Variants in RBFOX1 observed in about 807,000 individuals in gnomAD.
RBFOX1 encodes RNA binding fox-1 homolog 1, also known as RNA binding protein fox-1 homolog 1.
A neutral mutation model predicts 57.7 loss-of-function variants in RBFOX1; 8 were observed. The ratio of observed to expected loss-of-function variants is 0.14; its 90% CI spans 0.08 to 0.25. The LOEUF is 0.25. Among genes scored for constraint, RBFOX1 ranks in the 10% least tolerant of loss-of-function variants. RBFOX1 has a pLI of 1.00. For missense variants in RBFOX1, 611 were observed against 548.5 expected (o/e 1.11, Z -1.14); for synonymous variants, 326 against 222.4 (o/e 1.47, Z -4.15).
At chr16:7,530,312 C>T (rs2079722986) in intron 5 of RBFOX1, among the ~76,000 whole-genome samples, 1 of 152,092 alleles carries the variant, frequency 6.6e-6, no homozygotes, top group Admixed American at 6.6e-5. Context: ...GATTCTACAG[C>T]CATTTTTAAA....
intron 3 of RBFOX1, among the ~76,000 whole-genome samples, chr16:6,732,423 C>T (rs1476497534): frequency 1.3e-5 from 2 of 152,224 alleles, no homozygotes; most frequent in East Asian, 3.8e-4. Context: ...CAAGCACCTG[C>T]ACTGCACCTG....
At chr16:7,247,905 G>C (rs1236496177) in intron 4 of RBFOX1, among the ~76,000 whole-genome samples, 2 of 152,300 alleles carry the variant, frequency 1.3e-5, no homozygotes, top group East Asian at 1.9e-4. Context: ...GAGGGTGGGA[G>C]TAGGGAGAGG....
At chr16:5,486,459 G>A (rs1360920250) in intron 2 of RBFOX1, among the ~76,000 whole-genome samples, 1 of 152,228 alleles carries the variant, frequency 6.6e-6, no homozygotes, top group African/African-American at 2.4e-5. Flanking sequence ...AGAGTGATCT[G>A]TTTTGAGTGT....
At chr16:7,111,850 C>T (rs1033819964) in intron 4 of RBFOX1, among the ~76,000 whole-genome samples, 1 of 152,024 alleles carries the variant, frequency 6.6e-6, no homozygotes, top group African/African-American at 2.4e-5. Flanking sequence ...GGGCTAACAT[C>T]CACTTGTATA....
At chr16:5,539,613 A>C (rs989819744) in intron 2 of RBFOX1, among the ~76,000 whole-genome samples, 3 of 151,876 alleles carry the variant, frequency 2.0e-5, no homozygotes, top group Non-Finnish European at 4.4e-5. Flanking sequence ...AAAAAATCCC[A>C]AAAAACAAAA....
chr16:6,932,192 C>G (rs2076671946), intron 3 of RBFOX1, among the ~76,000 whole-genome samples: 1 of 152,184 alleles, frequency 6.6e-6, no homozygotes, highest in Admixed American at 6.5e-5. Flanking sequence ...CAACCTCCAC[C>G]TCCTGTGCTT....
intron 2 of RBFOX1, among the ~76,000 whole-genome samples, chr16:6,399,557 A>T (rs1339226062): frequency 6.6e-6 from 1 of 151,960 alleles, no homozygotes; most frequent in African/African-American, 2.4e-5. Context: ...TCAGCATTCA[A>T]CAAGTCTCTA....
chr16:7,536,593 CA>C (rs1237911230), intron 5 of RBFOX1, among the ~76,000 whole-genome samples: 1 of 151,870 alleles, frequency 6.6e-6, no homozygotes, highest in East Asian at 1.9e-4. Context: ...GACTTCGTCT[CA>C]AAAAAATAAT....
At position 5,449,457 on chromosome 16, in the gene RBFOX1, A is replaced by G. The variant is rs185115502; in HGVS notation, c.220-17759A>G. Among the ~76,000 whole-genome samples the G allele has an allele frequency of 5.3e-5, 8 of 152,266 alleles. No homozygotes were observed. In the East Asian group the frequency reaches 1.5e-3, roughly 29 times the overall value. The stretch of plus-strand genomic sequence containing the variant: ...ATGATTCTTTGATTGCCATTGCCTC[A>G]TATCAGACCCTAAACACTACAAGGT... On this transcript the variant is annotated intron_variant, in intron 1 of 2. Transcript: ENST00000585867.
intron 3 of RBFOX1, among the ~76,000 whole-genome samples, chr16:7,001,150 G>A (rs572716143): frequency 1.3e-4 from 20 of 152,114 alleles, no homozygotes; most frequent in African/African-American, 4.3e-4. Flanking sequence ...TTTCAAATCC[G>A]TTTGAGTTAG....
chr16:6,930,078 T>G (rs1475226426), intron 3 of RBFOX1, among the ~76,000 whole-genome samples: 1 of 152,194 alleles, frequency 6.6e-6, no homozygotes, highest in Admixed American at 6.5e-5. Flanking sequence ...CTGCTGGTTA[T>G]GCTGGTTTAC....
At chr16:6,841,150 C>CATTTTG (rs1205555689) in intron 3 of RBFOX1, among the ~76,000 whole-genome samples, 1 of 151,852 alleles carries the variant, frequency 6.6e-6, no homozygotes, top group Non-Finnish European at 1.5e-5. Context: ...TGGATATTAG[C>CATTTTG]CTATGGCATT....
intron 1 of RBFOX1, among the ~76,000 whole-genome samples, chr16:6,048,990 A>G (rs1445824493): frequency 6.8e-6 from 1 of 147,544 alleles, no homozygotes; most frequent in East Asian, 2.1e-4. Context: ...TGGAGACTTG[A>G]TCATCATTTT....
At chr16:7,040,995 A>C (rs2045969147) in intron 3 of RBFOX1, among the ~76,000 whole-genome samples, 1 of 151,586 alleles carries the variant, frequency 6.6e-6, no homozygotes, top group Admixed American at 6.6e-5. Context: ...TGCTCATTGC[A>C]ACGTCCACCT....
intron 1 of RBFOX1, among the ~76,000 whole-genome samples, chr16:5,403,387 A>G (rs1297648881): frequency 6.6e-6 from 1 of 151,898 alleles, no homozygotes; most frequent in African/African-American, 2.4e-5. Flanking sequence ...AACAAACAAA[A>G]AAACCCAAAA....
At chr16:5,563,710 C>T (rs2045967188) in intron 2 of RBFOX1, among the ~76,000 whole-genome samples, 1 of 152,130 alleles carries the variant, frequency 6.6e-6, no homozygotes, top group East Asian at 1.9e-4. Context: ...TACAATTCCT[C>T]CATTTAAGGT....
chr16:6,515,274 C>G (rs1056183970), intron 2 of RBFOX1, among the ~76,000 whole-genome samples: 2 of 152,224 alleles, frequency 1.3e-5, no homozygotes, highest in Non-Finnish European at 1.5e-5. Context: ...TATTCTTCCT[C>G]TCCTGACCCA....
At chr16:7,313,603 A>AATAAT (rs2096371169) in intron 4 of RBFOX1, among the ~76,000 whole-genome samples, 1 of 151,942 alleles carries the variant, frequency 6.6e-6, no homozygotes, top group South Asian at 2.1e-4. Context: ...TGATGATCAT[A>AATAAT]ATAATAAAAT....
intron 3 of RBFOX1, among the ~76,000 whole-genome samples, chr16:6,831,002 T>C (rs1481109094): frequency 1.3e-5 from 2 of 152,234 alleles, no homozygotes; most frequent in African/African-American, 4.8e-5. Context: ...CCATAGAACC[T>C]TCGGATTTAC....
Sources: allele counts gnomAD v4.1 joint callset (sites outside exome capture counted in the v4.1 genomes callset), GRCh38; gene constraint gnomAD v4.1.1; transcripts MANE v1.5; gene names NCBI Gene and HGNC (gene_info 2026-07-23, HGNC 2026-07-21).